Variants in RPS6KA2 observed in about 807,000 individuals in gnomAD.
RPS6KA2 encodes ribosomal protein S6 kinase A2, also known as ribosomal protein S6 kinase alpha-2.
A neutral mutation model predicts 91.8 loss-of-function variants in RPS6KA2; 42 were observed. That is an observed-to-expected ratio of 0.46 (90% CI 0.36 to 0.59). The LOEUF is 0.59. RPS6KA2 is among the 20% of genes least tolerant of loss of function. RPS6KA2 has a pLI of 0.00. For synonymous variants in RPS6KA2, 414 were observed against 393.6 expected (o/e 1.05, Z -0.61); for missense variants, 798 against 978.5 (o/e 0.82, Z 2.46).
chr6:166,827,535 G>A lies in RPS6KA2; in HGVS notation c.123+30665C>T, dbSNP rs145655810. Among the ~76,000 whole-genome samples, 253 of 152,026 alleles carry A rather than the reference G, an allele frequency of 1.7e-3. 2 individuals carry two copies. The highest frequency in any genetic ancestry group is 5.7e-3 in the African/African-American group (238 of 41,448). On this transcript the variant is annotated intron_variant, in intron 2 of 21. Transcript: ENST00000503859. ...GTATTCCCATTGCAATGCTCTACTC[G>A]CAAATAAACATTTTCTTTTAGAGAG...
At chr6:166,800,881 T>G (rs1159421653) in intron 2 of RPS6KA2, among the ~76,000 whole-genome samples, 1 of 152,180 alleles carries the variant, frequency 6.6e-6, no homozygotes, top group Non-Finnish European at 1.5e-5. Flanking sequence ...CAAAGAAAAT[T>G]TATATGTAAA....
intron 12 of RPS6KA2, among the ~76,000 whole-genome samples, chr6:166,453,915 A>G (rs552474729): frequency 1.3e-5 from 2 of 152,360 alleles, no homozygotes; most frequent in East Asian, 3.9e-4. Context: ...TGGATGGAAA[A>G]GAAGGCCATT....
At chr6:166,753,868 C>T (rs1317778386) in intron 2 of RPS6KA2, among the ~76,000 whole-genome samples, 2 of 152,162 alleles carry the variant, frequency 1.3e-5, no homozygotes, top group Non-Finnish European at 2.9e-5. Flanking sequence ...CAAGAAGATG[C>T]CCACTTTCCC....
At chr6:166,664,599 T>C (rs907124446) in intron 2 of RPS6KA2, among the ~76,000 whole-genome samples, 36 of 152,234 alleles carry the variant, frequency 2.4e-4, no homozygotes, top group African/African-American at 7.7e-4. Flanking sequence ...CTTGTAAGAA[T>C]AGAGATTGCA....
chr6:166,776,648 C>A (rs560109106), intron 2 of RPS6KA2, among the ~76,000 whole-genome samples: 1 of 152,322 alleles, frequency 6.6e-6, no homozygotes, highest in African/African-American at 2.4e-5. Flanking sequence ...TTGGTATAGA[C>A]AGAACCGCAC....
intron 1 of RPS6KA2, among the ~76,000 whole-genome samples, chr6:166,556,598 G>A (rs940933718): frequency 2.0e-5 from 3 of 152,160 alleles, no homozygotes; most frequent in Non-Finnish European, 2.9e-5. Context: ...AAGTCATGCT[G>A]GAATAGACTC....
At chr6:166,809,228 G>A (rs746387561) in intron 2 of RPS6KA2, among the ~76,000 whole-genome samples, 2 of 152,172 alleles carry the variant, frequency 1.3e-5, no homozygotes, top group African/African-American at 2.4e-5. Flanking sequence ...CTAAAGGCCT[G>A]CAAGTAGAAA....
intron 16 of RPS6KA2, among the ~76,000 whole-genome samples, chr6:166,429,540 T>C (rs557931563): frequency 6.6e-6 from 1 of 152,308 alleles, no homozygotes; most frequent in East Asian, 1.9e-4. Context: ...AACCTCTGCC[T>C]CCCAGGTTGA....
At chr6:166,663,217 A>G (rs915680630) in intron 2 of RPS6KA2, among the ~76,000 whole-genome samples, 2 of 152,212 alleles carry the variant, frequency 1.3e-5, no homozygotes, top group Admixed American at 1.3e-4. Flanking sequence ...AAACCAATAG[A>G]TAATCTTCCT....
At chr6:166,573,162 A>G (rs931084707) in intron 1 of RPS6KA2, among the ~76,000 whole-genome samples, 2 of 152,228 alleles carry the variant, frequency 1.3e-5, no homozygotes, top group Non-Finnish European at 2.9e-5. Context: ...GCCACATCAG[A>G]TGCAGAAAGT....
At chr6:166,636,542 CTCCTCCTTCTCCTCTTCCTCT>C (rs1787246838) in intron 2 of RPS6KA2, among the ~76,000 whole-genome samples, 1 of 152,218 alleles carries the variant, frequency 6.6e-6, no homozygotes, top group Non-Finnish European at 1.5e-5. Context: ...TCTCCTCCTC[CTCCTCCTTCTCCTCTTCCTCT>C]TCCTCCTTCT....
chr6:166,503,873 G>A (rs1380138466), intron 6 of RPS6KA2, among the ~76,000 whole-genome samples: 1 of 152,182 alleles, frequency 6.6e-6, no homozygotes, highest in Non-Finnish European at 1.5e-5. Flanking sequence ...AGCCTCACAG[G>A]TCACCACTGC....
rs571642271 is a variant in RPS6KA2 at position 166,725,194 on chromosome 6, A to AT, written c.123+133005dup. ...TGGACTGAGTAAAAAAAAGTCTTTTATTTTTTTTAAAGAAAGGCTTATGTT... is the reference window on the plus strand; with the variant it reads ...TGGACTGAGTAAAAAAAAGTCTTTTATTTTTTTTTAAAGAAAGGCTTATGTT... On this transcript the variant is annotated intron_variant, in intron 2 of 21. Transcript: ENST00000503859. 1.0e-3 allele frequency among the ~76,000 whole-genome samples: 152 copies of AT among 151,856 alleles called. 1 individual carries two copies. The highest frequency in any genetic ancestry group is 3.5e-3 in the African/African-American group (145 of 41,402).
chr6:166,491,609 C>A (rs1481133883), intron 8 of RPS6KA2, among the ~76,000 whole-genome samples: 3 of 152,206 alleles, frequency 2.0e-5, no homozygotes, highest in Non-Finnish European at 4.4e-5. Flanking sequence ...TACGGGGAAG[C>A]AGGTGTTTCC....
chr6:166,723,780 T>C (rs1220002147), intron 2 of RPS6KA2, among the ~76,000 whole-genome samples: 2 of 150,242 alleles, frequency 1.3e-5, no homozygotes, highest in Non-Finnish European at 2.9e-5. Context: ...GGCTCACTAC[T>C]ACCTCTGCCT....
chr6:166,628,373 T>C (rs1323206849), upstream of RPS6KA2, among the ~76,000 whole-genome samples: 3 of 152,232 alleles, frequency 2.0e-5, no homozygotes, highest in Non-Finnish European at 2.9e-5. Context: ...CATCACCACC[T>C]GCAAAGAGCA....
intron 12 of RPS6KA2, among the ~76,000 whole-genome samples, chr6:166,453,780 C>G (rs979523636): frequency 6.6e-6 from 1 of 152,188 alleles, no homozygotes; most frequent in Non-Finnish European, 1.5e-5. Context: ...TTCACAATTG[C>G]AAAGTCATGG....
intron 1 of RPS6KA2, among the ~76,000 whole-genome samples, chr6:166,584,675 G>C (rs1013930187): frequency 6.6e-6 from 1 of 152,202 alleles, no homozygotes; most frequent in Non-Finnish European, 1.5e-5. Flanking sequence ...GTGATCTTTT[G>C]CACTTTATTT....
chr6:166,705,246 C>G (rs1468221299), intron 2 of RPS6KA2, among the ~76,000 whole-genome samples: 1 of 152,236 alleles, frequency 6.6e-6, no homozygotes, highest in Non-Finnish European at 1.5e-5. Flanking sequence ...CCAGCTGGGA[C>G]GTTTCCCATA....
Sources: allele counts gnomAD v4.1 joint callset (sites outside exome capture counted in the v4.1 genomes callset), GRCh38; gene constraint gnomAD v4.1.1; transcripts MANE v1.5; gene names NCBI Gene and HGNC (gene_info 2026-07-23, HGNC 2026-07-21).